Variants in ZCCHC7 observed in about 807,000 individuals in gnomAD.
ZCCHC7 encodes the protein zinc finger CCHC-type containing 7, also known as zinc finger CCHC domain-containing protein 7.
Under a neutral mutation model 52.0 loss-of-function variants are expected in ZCCHC7, and 35 were observed. The ratio of observed to expected loss-of-function variants is 0.67; its 90% CI spans 0.51 to 0.89. ZCCHC7 has a LOEUF of 0.89. ZCCHC7 is among the 40% of genes least tolerant of loss of function. ZCCHC7 has a pLI of 0.00. For missense variants in ZCCHC7, 574 were observed against 649.1 expected (o/e 0.88, Z 1.26); for synonymous variants, 217 against 221.5 (o/e 0.98, Z 0.18).
intron 2 of ZCCHC7, among the ~76,000 whole-genome samples, chr9:37,164,468 G>T (rs1476138443): frequency 6.6e-6 from 1 of 150,528 alleles, no homozygotes; most frequent in African/African-American, 2.5e-5. Flanking sequence ...TAGATAGATA[G>T]ATAGATAGAT....
rs1360082863 is a variant in ZCCHC7, at chr9:37,296,799, A to G, written c.611-5389A>G. Among the ~76,000 whole-genome samples the G allele has an allele frequency of 2.0e-5, 3 of 149,934 alleles. No individual in the cohort carries two copies. The East Asian group carries it at 5.9e-4, about 29-fold the overall frequency. The stretch of plus-strand genomic sequence containing the variant: ...ACCATGTTGGCTTACTGCAGCCTCA[A>G]CCTCCAGGGCTCAAGCCCTCCTCCC... On this transcript the variant is annotated intron_variant, in intron 2 of 8. Coordinates refer to ENST00000336755, the MANE Select transcript of ZCCHC7 (RefSeq NM_032226.3).
At position 37,357,282 on chromosome 9, in the gene ZCCHC7, C is replaced by T. The variant is rs1440720146; in HGVS notation, c.*14C>T. On this transcript the variant is annotated 3_prime_UTR_variant, in exon 9 of 9. Coordinates refer to ENST00000336755, the MANE Select transcript of ZCCHC7 (RefSeq NM_032226.3). ...AAAAAGTCTTAAGCCGTCAGGCAGC[C>T]TCTGATGTGGCTTTTCATTGTTCAT... is the stretch of plus-strand genomic sequence containing the variant. 1.3e-6 allele frequency: 2 copies of T among 1,570,680 alleles called. No individual in the cohort carries two copies. Among genetic ancestry groups the T allele is most frequent in the Admixed American group, 2.0e-5 (1 of 51,132 alleles).
At position 37,258,757 on chromosome 9, in the gene ZCCHC7, T is replaced by TAAAAAAA. The variant is rs5897683; in HGVS notation, c.611-43409_611-43403dup. Among the ~76,000 whole-genome samples the TAAAAAAA allele has an allele frequency of 9.0e-3, 497 of 55,350 alleles. 45 individuals carry two copies. Among genetic ancestry groups the TAAAAAAA allele is most frequent in the African/African-American group, 0.041 (479 of 11,616 alleles). 36.3% of individuals were successfully genotyped at this position (55,350 alleles called of 152,430 possible). On this transcript the variant is annotated intron_variant, in intron 2 of 8. Coordinates refer to ENST00000336755, the MANE Select transcript of ZCCHC7 (RefSeq NM_032226.3). ...GGTGAGAGAGCGAGATCCTGTCTCTTAAAAAAAAAAAAAAAAAAAAAAAAA... is the reference window on the plus strand; with the variant it reads ...GGTGAGAGAGCGAGATCCTGTCTCTTAAAAAAAAAAAAAAAAAAAAAAAAAAAAAAAA...
intron 6 of ZCCHC7, among the ~76,000 whole-genome samples, chr9:37,344,772 T>C (rs180908798): frequency 6.6e-6 from 1 of 152,368 alleles, no homozygotes; most frequent in East Asian, 1.9e-4. Flanking sequence ...ACTGGAGATG[T>C]GAGCAATGAC....
At chr9:37,161,825 G>T (rs1821124824) in intron 2 of ZCCHC7, among the ~76,000 whole-genome samples, 1 of 152,162 alleles carries the variant, frequency 6.6e-6, no homozygotes. Context: ...TTCTGCATTT[G>T]ACTCTTGAAG....
intron 2 of ZCCHC7, among the ~76,000 whole-genome samples, chr9:37,195,257 A>AT (rs1823231472): frequency 6.6e-6 from 1 of 152,048 alleles, no homozygotes. Context: ...AGATTCTCAT[A>AT]TTTTTTGTAA....
chr9:37,164,649 A>T (rs924603005), intron 2 of ZCCHC7, among the ~76,000 whole-genome samples: 1 of 152,140 alleles, frequency 6.6e-6, no homozygotes, highest in Non-Finnish European at 1.5e-5. Context: ...TGGCATGATC[A>T]TGGCTTACTG....
intron 2 of ZCCHC7, among the ~76,000 whole-genome samples, chr9:37,175,118 A>G (rs75069818): frequency 1.5e-5 from 2 of 132,964 alleles, no homozygotes; most frequent in Admixed American, 7.2e-5. Flanking sequence ...TGTCTCAAAG[A>G]AAAAAAAAAA....
At chr9:37,210,813 T>A (rs527358440) in intron 2 of ZCCHC7, among the ~76,000 whole-genome samples, 1 of 152,364 alleles carries the variant, frequency 6.6e-6, no homozygotes, top group Non-Finnish European at 1.5e-5. Flanking sequence ...ACCTTTAGGC[T>A]TTAATCTCTT....
At chr9:37,297,572 G>GATATCCTA (rs1828845285) in intron 2 of ZCCHC7, among the ~76,000 whole-genome samples, 2 of 152,130 alleles carry the variant, frequency 1.3e-5, no homozygotes, top group Non-Finnish European at 2.9e-5. Context: ...TACAATTTTA[G>GATATCCTA]ATGTAACAAA....
chr9:37,145,316 AT>A (rs948214573), intron 2 of ZCCHC7, among the ~76,000 whole-genome samples: 3 of 151,938 alleles, frequency 2.0e-5, no homozygotes, highest in South Asian at 2.1e-4. Flanking sequence ...TTCCTGTTGT[AT>A]TTTTTTAATC....
At chr9:37,172,227 G>T (rs1015201878) in intron 2 of ZCCHC7, among the ~76,000 whole-genome samples, 11 of 152,188 alleles carry the variant, frequency 7.2e-5, no homozygotes, top group Admixed American at 3.9e-4. Context: ...TTGCTGGGCA[G>T]GTTCAACAGC....
chr9:37,299,601 T>C (rs1564237142), intron 2 of ZCCHC7, among the ~76,000 whole-genome samples: 1 of 152,188 alleles, frequency 6.6e-6, no homozygotes, highest in African/African-American at 2.4e-5. Context: ...GGGTGAGATT[T>C]TGAGTTTAGA....
intron 2 of ZCCHC7, among the ~76,000 whole-genome samples, chr9:37,269,163 G>C (rs1229618861): frequency 6.6e-6 from 1 of 152,068 alleles, no homozygotes; most frequent in East Asian, 1.9e-4. Context: ...AGAGCATGTA[G>C]GGCAAGATGA....
intron 2 of ZCCHC7, among the ~76,000 whole-genome samples, chr9:37,266,200 A>G (rs1428606829): frequency 1.3e-5 from 2 of 152,204 alleles, no homozygotes; most frequent in African/African-American, 4.8e-5. Flanking sequence ...ACCTTCCCAA[A>G]TGCAAATGCT....
At chr9:37,317,265 A>G (rs913848513) in intron 5 of ZCCHC7, among the ~76,000 whole-genome samples, 1 of 152,260 alleles carries the variant, frequency 6.6e-6, no homozygotes, top group African/African-American at 2.4e-5. Flanking sequence ...TCTAAAGCCT[A>G]GAAGATTCTG....
At chr9:37,308,011 C>G (rs1829410919) in intron 5 of ZCCHC7, among the ~76,000 whole-genome samples, 1 of 152,120 alleles carries the variant, frequency 6.6e-6, no homozygotes, top group Non-Finnish European at 1.5e-5. Flanking sequence ...GAGAAATGAG[C>G]ACTGCACTCA....
At chr9:37,175,789 A>G (rs1821991696) in intron 2 of ZCCHC7, among the ~76,000 whole-genome samples, 1 of 152,112 alleles carries the variant, frequency 6.6e-6, no homozygotes, top group Non-Finnish European at 1.5e-5. Context: ...ATTCCCCACA[A>G]AATGATTTTG....
chr9:37,121,066 A>C (rs914613128), intron 1 of ZCCHC7, among the ~76,000 whole-genome samples: 3 of 152,214 alleles, frequency 2.0e-5, no homozygotes, highest in Non-Finnish European at 2.9e-5. Flanking sequence ...CAGCTGCAGC[A>C]GTAGAATCCA....
Sources: gnomAD v4.1 joint callset for allele counts (sites outside exome capture counted in the v4.1 genomes callset) on GRCh38, gnomAD v4.1.1 for gene constraint, MANE v1.5 for transcripts, NCBI Gene and HGNC (gene_info 2026-07-23, HGNC 2026-07-21) for gene names.